The following DTWD2 variants were observed in gnomAD, a reference collection of about 807,000 sequenced individuals.
DTWD2 encodes tRNA-uridine aminocarboxypropyltransferase 2.
DTWD2 carries 39 observed loss-of-function variants against 31.8 expected under a neutral mutation model. That is an observed-to-expected ratio of 1.22 (90% CI 0.95 to 1.60). The LOEUF (loss-of-function observed/expected upper bound fraction) is 1.60, where lower values mean the gene tolerates loss of function less well. Ranked by LOEUF, DTWD2 falls within the 40% of genes most tolerant of loss-of-function variation. DTWD2 has a pLI of 0.00. For synonymous variants in DTWD2, 180 were observed against 142.8 expected, an observed-to-expected ratio of 1.26 and a Z score of -1.86; for missense variants, 515 against 381.5, an observed-to-expected ratio of 1.35 and a Z score of -2.92.
chr5:118,840,736 C>A lies in DTWD2; in HGVS notation c.*181G>T. On this transcript the variant is annotated 3_prime_UTR_variant, in exon 6 of 6. Coordinates refer to ENST00000510708, the MANE Select transcript of DTWD2 (RefSeq NM_173666.4). ...GTAGGAAATCCTGCTTTTCAGTGAG[C>A]CAGTGAATTTCTGTTTATTTGTATT... is the stretch of plus-strand genomic sequence containing the variant. The A allele has an allele frequency of 1.8e-6, 1 of 553,254 alleles. No individual in the cohort carries two copies. The highest frequency in any genetic ancestry group is 2.7e-6 in the Non-Finnish European group (1 of 366,674). The allele number at this position is 553,254 out of a possible 1,614,324, so 34.3% of individuals were successfully genotyped here. A position where few individuals can be genotyped will look rare whatever the true frequency, so the allele number is the denominator to read the frequency against.
chr5:118,918,593 A>G (rs1753633236), intron 4 of DTWD2, among the ~76,000 whole-genome samples: 1 of 152,214 alleles, frequency 6.6e-6, no homozygotes, highest in Admixed American at 6.5e-5. Flanking sequence ...AGAAGGCCTG[A>G]TGAAGATGAT....
intron 4 of DTWD2, among the ~76,000 whole-genome samples, chr5:118,926,095 G>A (rs952337390): frequency 4.6e-5 from 7 of 152,000 alleles, no homozygotes; most frequent in Admixed American, 1.3e-4. Flanking sequence ...AGACACATGC[G>A]CAGGCATGTT....
chr5:118,913,056 A>G (rs577533591), intron 4 of DTWD2, among the ~76,000 whole-genome samples: 3 of 152,212 alleles, frequency 2.0e-5, no homozygotes, highest in Non-Finnish European at 4.4e-5. Context: ...ACTTATGCCT[A>G]GCGTTCCATT....
intron 4 of DTWD2, among the ~76,000 whole-genome samples, chr5:118,854,350 A>G (rs1752082005): frequency 1.3e-5 from 2 of 151,998 alleles, no homozygotes; most frequent in South Asian, 4.2e-4. Context: ...AAATCTGAAA[A>G]CCTTATGTCA....
intron 1 of DTWD2, among the ~76,000 whole-genome samples, chr5:118,945,751 C>A (rs145787000): frequency 8.2e-6 from 1 of 121,764 alleles, no homozygotes. Flanking sequence ...GGCGACAGAG[C>A]GAGACTCCAA....
chr5:118,937,844 A>G (rs1316848926), intron 3 of DTWD2, among the ~76,000 whole-genome samples: 1 of 152,044 alleles, frequency 6.6e-6, no homozygotes, highest in Non-Finnish European at 1.5e-5. Context: ...TCTGTGTGTA[A>G]TAAACTTCTT....
chr5:118,968,126 TAA>T (rs2149596845), intron 1 of DTWD2, among the ~76,000 whole-genome samples: 1 of 151,074 alleles, frequency 6.6e-6, no homozygotes. Context: ...TGAGAAATCA[TAA>T]GTCAAACCCA....
At chr5:118,896,567 A>T (rs1753088957) in intron 4 of DTWD2, among the ~76,000 whole-genome samples, 1 of 152,244 alleles carries the variant, frequency 6.6e-6, no homozygotes, top group Non-Finnish European at 1.5e-5. Flanking sequence ...GCACAGAATT[A>T]TTCAAAGAAT....
intron 4 of DTWD2, among the ~76,000 whole-genome samples, chr5:118,923,306 C>A (rs538700942): frequency 1.3e-5 from 2 of 152,234 alleles, no homozygotes; most frequent in Admixed American, 1.3e-4. Context: ...GGCGCCAGAG[C>A]GAGGCCATTT....
chr5:118,925,285 T>A (rs1377642044), intron 4 of DTWD2, among the ~76,000 whole-genome samples: 1 of 152,002 alleles, frequency 6.6e-6, no homozygotes, highest in South Asian at 2.1e-4. Flanking sequence ...AATAAAAACA[T>A]AAAGAAAAAT....
At chr5:118,890,730 C>A (rs1752961280) in intron 4 of DTWD2, among the ~76,000 whole-genome samples, 1 of 151,832 alleles carries the variant, frequency 6.6e-6, no homozygotes, top group Admixed American at 6.6e-5. Flanking sequence ...GCCACCACAC[C>A]CAGGTAATTT....
chr5:118,928,483 C>T (rs1753853186), intron 4 of DTWD2, 54 bp downstream of exon 4: 2 of 1,251,690 alleles, frequency 1.6e-6, no homozygotes, highest in Non-Finnish European at 2.1e-6. Context: ...AAAACATACA[C>T]AATATACCTA....
At chr5:118,928,977 T>C (rs1369837004) in intron 3 of DTWD2, among the ~76,000 whole-genome samples, 5 of 152,204 alleles carry the variant, frequency 3.3e-5, no homozygotes, top group African/African-American at 7.2e-5. Flanking sequence ...CTATCAAAGC[T>C]TTTCTATCCA....
At chr5:118,974,234 G>A (rs534712819) in intron 1 of DTWD2, 47 of 1,000,844 alleles carry the variant, frequency 4.7e-5, no homozygotes, top group African/African-American at 2.6e-4. Flanking sequence ...AGAGAGGCCC[G>A]CCCGCCCACC....
At chr5:118,974,068 A>T (rs1429666529) in intron 1 of DTWD2, 6 of 1,605,912 alleles carry the variant, frequency 3.7e-6, no homozygotes, top group Non-Finnish European at 5.1e-6. Context: ...GGGCAGCTGA[A>T]GATGATGAGG....
At chr5:118,889,884 T>C (rs565732899) in intron 4 of DTWD2, among the ~76,000 whole-genome samples, 25 of 152,270 alleles carry the variant, frequency 1.6e-4, no homozygotes, top group Admixed American at 1.6e-3. Flanking sequence ...CTCAAGATCC[T>C]CTGGCTTCAA....
intron 4 of DTWD2, among the ~76,000 whole-genome samples, chr5:118,871,561 T>C (rs952842994): frequency 3.9e-5 from 6 of 152,256 alleles, no homozygotes; most frequent in Non-Finnish European, 8.8e-5. Flanking sequence ...GAATCTCCTT[T>C]ATACATCTTC....
chr5:118,986,983 C>A (rs1755441738), intron 1 of DTWD2, among the ~76,000 whole-genome samples: 1 of 152,086 alleles, frequency 6.6e-6, no homozygotes, highest in Non-Finnish European at 1.5e-5. Context: ...TTCAGCAAGC[C>A]ATTTTTTTAA....
chr5:118,943,881 T>C (rs1026242884), intron 2 of DTWD2, among the ~76,000 whole-genome samples: 1 of 152,264 alleles, frequency 6.6e-6, no homozygotes, highest in East Asian at 1.9e-4. Flanking sequence ...ACTGCGTCTA[T>C]GATGTCCTCA....
Sources: gnomAD v4.1 joint callset for allele counts (sites outside exome capture counted in the v4.1 genomes callset) on GRCh38, gnomAD v4.1.1 for gene constraint, MANE v1.5 for transcripts, NCBI Gene and HGNC (gene_info 2026-07-23, HGNC 2026-07-21) for gene names.